IL6ST: variants seen among roughly 807,000 people sequenced by gnomAD.
IL6ST encodes the protein interleukin-6 receptor subunit beta.
IL6ST carries 24 observed loss-of-function variants against 91.3 expected under a neutral mutation model. The observed-to-expected ratio is 0.26, with a 90% confidence interval of 0.19 to 0.37. The LOEUF is 0.37. Among genes scored for constraint, IL6ST ranks in the 10% least tolerant of loss-of-function variants. The probability of loss-of-function intolerance (pLI) is 1.00; values close to 1 mark genes in which losing one functional copy is unlikely to be tolerated. For missense variants in IL6ST, 914 were observed against 1,078.5 expected (o/e 0.85, Z 2.14); for synonymous variants, 351 against 373.6 (o/e 0.94, Z 0.70).
intron 8 of IL6ST, among the ~76,000 whole-genome samples, chr5:55,958,863 A>G (rs965040850): frequency 6.6e-6 from 1 of 151,852 alleles, no homozygotes; most frequent in African/African-American, 2.4e-5. Flanking sequence ...AAAAAATTTA[A>G]GTACTGATAT....
chr5:55,991,284 T>C (rs1754314980), intron 1 of IL6ST, among the ~76,000 whole-genome samples: 1 of 152,178 alleles, frequency 6.6e-6, no homozygotes, highest in South Asian at 2.1e-4. Flanking sequence ...CCACACACTT[T>C]TTAAAAAGTC....
chr5:55,952,217 C>T, intron 12 of IL6ST, 33 bp downstream of exon 12: 1 of 1,527,670 alleles, frequency 6.5e-7, no homozygotes, highest in Non-Finnish European at 9.0e-7. Flanking sequence ...AAGCCCTAAA[C>T]TTTTTTTTTC....
chr5:55,954,694 G>A (rs1580806271), intron 11 of IL6ST, 116 bp downstream of exon 11: 4 of 668,346 alleles, frequency 6.0e-6, no homozygotes, highest in Admixed American at 2.9e-5. Flanking sequence ...AGTAAGTAGT[G>A]AGGCTATGAT....
chr5:55,940,133 G>GTATATGTGTGTGTATA lies in IL6ST; in HGVS notation c.*948_*949insTATACACACACATATA, dbSNP rs1554022476. 4.9e-4 allele frequency: 90 copies of GTATATGTGTGTGTATA among 183,826 alleles called. No homozygotes were observed. Among genetic ancestry groups the GTATATGTGTGTGTATA allele is most frequent in the East Asian group, 2.5e-3 (30 of 12,096 alleles). 11.4% of individuals were successfully genotyped at this position (183,826 alleles called of 1,614,324 possible). ...TAAGAAAAGTCAATGATATGTGTGT[G>GTATATGTGTGTGTATA]TATATATATATATATATATACACAC... On this transcript the variant is annotated 3_prime_UTR_variant, in exon 17 of 17. Coordinates refer to ENST00000381298, the MANE Select transcript of IL6ST (RefSeq NM_002184.4).
At chr5:55,973,882 C>T (rs1453525899) in intron 3 of IL6ST, among the ~76,000 whole-genome samples, 2 of 152,234 alleles carry the variant, frequency 1.3e-5, no homozygotes, top group Non-Finnish European at 2.9e-5. Context: ...CAACTGCCAA[C>T]ACTTCGGATG....
intron 5 of IL6ST, among the ~76,000 whole-genome samples, chr5:55,967,942 C>T (rs1179939166): frequency 2.0e-5 from 3 of 152,008 alleles, no homozygotes; most frequent in East Asian, 1.9e-4. Flanking sequence ...ATTACAGGCA[C>T]CCGCCACCAT....
intron 1 of IL6ST, among the ~76,000 whole-genome samples, chr5:55,989,154 C>CAAA (rs143228668): frequency 1.4e-4 from 16 of 115,556 alleles, no homozygotes; most frequent in African/African-American, 5.1e-4. Flanking sequence ...AAAAGTCTCG[C>CAAA]AGAAAAAAAA....
intron 5 of IL6ST, among the ~76,000 whole-genome samples, chr5:55,965,028 A>G (rs1470524297): frequency 6.6e-6 from 1 of 152,188 alleles, no homozygotes; most frequent in Non-Finnish European, 1.5e-5. Flanking sequence ...AATAGATTTG[A>G]CTTTTTGGAT....
chr5:55,977,552 G>A (rs1054608730), intron 2 of IL6ST, among the ~76,000 whole-genome samples: 2 of 151,990 alleles, frequency 1.3e-5, no homozygotes, highest in African/African-American at 2.4e-5. Context: ...TTGGCAGGAC[G>A]CGATGGCTCA....
Position 55,954,831 on chromosome 5 carries a change from C to A in IL6ST, c.1429G>T (p.Val477Leu), listed in dbSNP as rs779646223. The A allele has an allele frequency of 5.6e-6, 9 of 1,610,558 alleles. No homozygotes were observed. The highest frequency in any genetic ancestry group is 2.2e-5 in the East Asian group (1 of 44,804). Residue 477 changes from valine (V) to leucine (L), a missense_variant, in exon 11 of 17, where the codon GTG becomes TTG. By Grantham distance (32) the Val-to-Leu change is conservative. Coordinates refer to ENST00000381298, the MANE Select transcript of IL6ST (RefSeq NM_002184.4). ...ITDWQQEDGT[V>L]HRTYLRGNLA... The stretch of plus-strand genomic sequence containing the variant: ...ATACCTCTTAAATAGGTGCGATGCA[C>A]GGTACCATCTTCTTGTTGCCAGTCT...
chr5:55,955,875 TA>T (rs1471342592), intron 10 of IL6ST, 149 bp downstream of exon 10: 5 of 453,110 alleles, frequency 1.1e-5, no homozygotes, highest in African/African-American at 1.0e-4. Flanking sequence ...TCATTATTTA[TA>T]AAATTTAAAA....
intron 5 of IL6ST, among the ~76,000 whole-genome samples, chr5:55,964,656 C>A (rs191767459): frequency 6.6e-6 from 1 of 152,098 alleles, no homozygotes; most frequent in Non-Finnish European, 1.5e-5. Flanking sequence ...TACTGTACCA[C>A]AAATTTCTTT....
chr5:55,952,482 C>A, intron 11 of IL6ST, 131 bp from the exon 12 acceptor site: 1 of 549,998 alleles, frequency 1.8e-6, no homozygotes, highest in Admixed American at 2.9e-5. Context: ...TCTAAGTAAG[C>A]ATTGTCTTTT....
At chr5:55,983,307 C>T (rs564716356) in intron 1 of IL6ST, among the ~76,000 whole-genome samples, 22 of 152,268 alleles carry the variant, frequency 1.4e-4, no homozygotes, top group South Asian at 6.2e-4. Context: ...ATTTGATATA[C>T]GCTTGCAAAC....
chr5:55,989,149 T>A (rs1281794832), intron 1 of IL6ST, among the ~76,000 whole-genome samples: 30 of 91,792 alleles, frequency 3.3e-4, no homozygotes, highest in South Asian at 5.9e-4. Flanking sequence ...AAAAAAAAAG[T>A]CTCGCAGAAA....
intron 3 of IL6ST, among the ~76,000 whole-genome samples, chr5:55,974,753 T>G (rs1473942643): frequency 6.6e-6 from 1 of 152,138 alleles, no homozygotes; most frequent in African/African-American, 2.4e-5. Context: ...CCCAAAGTGC[T>G]TGGATTACTG....
chr5:55,952,199 T>C, intron 12 of IL6ST, 51 bp downstream of exon 12: 1 of 1,509,142 alleles, frequency 6.6e-7, no homozygotes, highest in Non-Finnish European at 9.1e-7. Flanking sequence ...AATGTTTCTG[T>C]TAATACAAAG....
intron 1 of IL6ST, among the ~76,000 whole-genome samples, chr5:55,990,297 A>G (rs1754238985): frequency 6.6e-6 from 1 of 152,066 alleles, no homozygotes; most frequent in African/African-American, 2.4e-5. Flanking sequence ...AAAAAGAAGA[A>G]GAAGAGACTG....
chr5:55,953,151 T>C (rs1249690215), intron 11 of IL6ST, among the ~76,000 whole-genome samples: 1 of 152,254 alleles, frequency 6.6e-6, no homozygotes, highest in African/African-American at 2.4e-5. Flanking sequence ...GTATATTATC[T>C]GTACATATTA....
Sources: allele counts gnomAD v4.1 joint callset (sites outside exome capture counted in the v4.1 genomes callset), GRCh38; gene constraint gnomAD v4.1.1; transcripts MANE v1.5; gene names NCBI Gene and HGNC (gene_info 2026-07-23, HGNC 2026-07-21).